Variants in RANBP17 observed in about 807,000 individuals in gnomAD.
RANBP17 encodes the protein RAN binding protein 17.
A neutral mutation model predicts 141.2 loss-of-function variants in RANBP17; 158 were observed. That is an observed-to-expected ratio of 1.12 (90% CI 0.98 to 1.28). RANBP17 has a LOEUF of 1.28. Ranked by LOEUF, RANBP17 falls within the 50% of genes most tolerant of loss-of-function variation. RANBP17 has a pLI of 0.00. For missense variants in RANBP17, 1,438 were observed against 1,290.7 expected, an observed-to-expected ratio of 1.11 and a Z score of -1.75; for synonymous variants, 430 against 450.0, an observed-to-expected ratio of 0.96 and a Z score of 0.56.
At chr5:171,053,767 G>T (rs1217161488) in intron 14 of RANBP17, among the ~76,000 whole-genome samples, 1 of 150,766 alleles carries the variant, frequency 6.6e-6, no homozygotes, top group East Asian at 1.9e-4. Context: ...TTGAATAGCA[G>T]TGGTGAAAGT....
intron 14 of RANBP17, among the ~76,000 whole-genome samples, chr5:171,013,737 A>G (rs751334024): frequency 1.3e-5 from 2 of 152,088 alleles, no homozygotes; most frequent in African/African-American, 4.8e-5. Flanking sequence ...GGCTTTGGCT[A>G]TTTTAGTTTT....
At chr5:170,989,557 ATATGT>A (rs1778369412) in intron 14 of RANBP17, among the ~76,000 whole-genome samples, 1 of 151,722 alleles carries the variant, frequency 6.6e-6, no homozygotes. Context: ...TTCTATACTA[ATATGT>A]TATACTGTTT....
Position 171,060,895 on chromosome 5 carries a change from G to A in RANBP17, c.1710+92518G>A, listed in dbSNP as rs1208297179. ...CTTCTTCCTGGTTTAGTCTTGGGAG[G>A]GTGTATGTGTCGAGGAATTTATCCA... is the stretch of plus-strand genomic sequence containing the variant. On this transcript the variant is annotated intron_variant, in intron 14 of 27. Coordinates refer to ENST00000523189, the MANE Select transcript of RANBP17 (RefSeq NM_022897.5). Among the ~76,000 whole-genome samples, 1,113 of 152,012 alleles carry A rather than the reference G, an allele frequency of 7.3e-3. 4 individuals are homozygous for A. Among genetic ancestry groups the A allele is most frequent in the Non-Finnish European group, 0.012 (822 of 67,950 alleles).
rs558491192 is a variant in RANBP17, at chr5:170,956,306, A to G, written c.1574+2604A>G. Among the ~76,000 whole-genome samples, 3 of 152,108 alleles carry G rather than the reference A, an allele frequency of 2.0e-5. No individual in the cohort carries two copies. In the South Asian group the frequency reaches 6.2e-4, roughly 32 times the overall value. ...ACTTGTGATATTCTCCTTCATTTTT[A>G]TTATTAAATATATTTCTAAGTGCTT... On this transcript the variant is annotated intron_variant, in intron 13 of 27. Transcript: ENST00000523189.
chr5:171,154,369 C>T (rs776427885), intron 14 of RANBP17, among the ~76,000 whole-genome samples: 34 of 151,748 alleles, frequency 2.2e-4, no homozygotes, highest in African/African-American at 7.5e-4. Context: ...CTCCGCCTCC[C>T]GAGTCCACAC....
At chr5:171,023,602 A>G (rs1781031385) in intron 14 of RANBP17, among the ~76,000 whole-genome samples, 1 of 152,160 alleles carries the variant, frequency 6.6e-6, no homozygotes, top group Non-Finnish European at 1.5e-5. Context: ...TTAATTTTGA[A>G]AGACATTTTC....
chr5:170,924,619 A>G (rs1279679237), intron 12 of RANBP17, 69 bp downstream of exon 12: 66 of 1,014,434 alleles, frequency 6.5e-5, no homozygotes, highest in Non-Finnish European at 9.1e-5. Context: ...TCACTTTAAT[A>G]GTTTTACTGC....
rs551955581 is a variant in RANBP17, at chr5:171,046,674, A to G, written c.1710+78297A>G. Among the ~76,000 whole-genome samples, 3 of 152,282 alleles carry G rather than the reference A, an allele frequency of 2.0e-5. No individual in the cohort carries two copies. In the South Asian group the frequency reaches 6.2e-4, roughly 32 times the overall value. Reference sequence around the variant, plus strand: ...GTAAGAATAGCTGCCTTCAATTTCTAGAAAAGCAGTTGCTGGATGAAAAAA... The same window carrying G: ...GTAAGAATAGCTGCCTTCAATTTCTGGAAAAGCAGTTGCTGGATGAAAAAA... On this transcript the variant is annotated intron_variant, in intron 14 of 27. Transcript: ENST00000523189.
chr5:170,935,347 C>G (rs1256432248), intron 12 of RANBP17, among the ~76,000 whole-genome samples: 1 of 152,228 alleles, frequency 6.6e-6, no homozygotes, highest in Admixed American at 6.5e-5. Context: ...TGTTCCGTTG[C>G]TGGCGAGGAG....
At chr5:171,093,318 A>G (rs1414165613) in intron 14 of RANBP17, among the ~76,000 whole-genome samples, 1 of 151,972 alleles carries the variant, frequency 6.6e-6, no homozygotes, top group African/African-American at 2.4e-5. Context: ...GCTCTACTTT[A>G]TTTATTTATG....
At chr5:171,244,315 A>G (rs937074517) in intron 24 of RANBP17, among the ~76,000 whole-genome samples, 4 of 151,676 alleles carry the variant, frequency 2.6e-5, no homozygotes, top group Non-Finnish European at 4.4e-5. Context: ...ATCACTGAGG[A>G]TGCAATAAGC....
intron 3 of RANBP17, among the ~76,000 whole-genome samples, chr5:170,885,064 T>A (rs1769030626): frequency 6.6e-6 from 1 of 152,114 alleles, no homozygotes; most frequent in Non-Finnish European, 1.5e-5. Context: ...TTACTTAGAG[T>A]TGACGTTAGT....
intron 22 of RANBP17, among the ~76,000 whole-genome samples, chr5:171,223,527 C>T (rs1009139516): frequency 1.3e-5 from 2 of 152,076 alleles, no homozygotes; most frequent in Non-Finnish European, 1.5e-5. Flanking sequence ...CCCAGCTACT[C>T]AGGAGGCTGA....
chr5:170,919,602 C>A lies in RANBP17; in HGVS notation c.1263C>A (p.Ala421=). 6.3e-7 allele frequency: 1 copy of A among 1,591,382 alleles called. No individual in the cohort carries two copies. Among genetic ancestry groups the A allele is most frequent in the South Asian group, 1.2e-5 (1 of 86,686 alleles). The change falls in exon 11 of 28, where the codon GCC becomes GCA. Residue 421 remains alanine (A), a synonymous_variant. Coordinates refer to ENST00000523189, the MANE Select transcript of RANBP17 (RefSeq NM_022897.5). ...TCACTTCTCGGTTGGACTCTGTTGC[C>A]ATAGTTGTGAGGTATTCAAAAACTA... ...AFITSRLDSV[A]IVVRDHLDDP...
At chr5:171,163,552 T>C (rs951231642) in intron 14 of RANBP17, among the ~76,000 whole-genome samples, 3 of 152,180 alleles carry the variant, frequency 2.0e-5, no homozygotes, top group African/African-American at 7.2e-5. Context: ...AACAAAAATA[T>C]GAAAATTGAT....
intron 14 of RANBP17, among the ~76,000 whole-genome samples, chr5:171,147,270 T>C (rs79562802): frequency 2.6e-5 from 4 of 151,506 alleles, no homozygotes; most frequent in Admixed American, 1.3e-4. Context: ...TATTATTTTG[T>C]GCTGAAGTCT....
At chr5:171,009,829 CTGTT>C (rs1399396937) in intron 14 of RANBP17, among the ~76,000 whole-genome samples, 2 of 152,072 alleles carry the variant, frequency 1.3e-5, no homozygotes, top group Non-Finnish European at 2.9e-5. Context: ...AAAAGAAACA[CTGTT>C]TGAAGGCACT....
Position 171,010,323 on chromosome 5 carries a change from T to C in RANBP17, c.1710+41946T>C, listed in dbSNP as rs186503114. ...AAATGGCCACACACAGTATGGATCT[T>C]ATCCTATGATTAAGATCTTCACGAT... is the stretch of plus-strand genomic sequence containing the variant. On this transcript the variant is annotated intron_variant, in intron 14 of 27. Transcript: ENST00000523189. Among the ~76,000 whole-genome samples the C allele has an allele frequency of 7.2e-5, 11 of 152,336 alleles. No individual in the cohort carries two copies. In the South Asian group the frequency reaches 8.3e-4, roughly 11 times the overall value.
At chr5:171,122,058 G>C (rs780040565) in intron 14 of RANBP17, among the ~76,000 whole-genome samples, 1 of 152,150 alleles carries the variant, frequency 6.6e-6, no homozygotes, top group Non-Finnish European at 1.5e-5. Flanking sequence ...TTGGGGGCTG[G>C]TGGGGTTCTT....
Sources: gnomAD v4.1 joint callset for allele counts (sites outside exome capture counted in the v4.1 genomes callset) on GRCh38, gnomAD v4.1.1 for gene constraint, MANE v1.5 for transcripts, NCBI Gene and HGNC (gene_info 2026-07-23, HGNC 2026-07-21) for gene names.